The following TRPS1 variants were observed in gnomAD, a reference collection of about 807,000 sequenced individuals.
The protein encoded by TRPS1 is transcriptional repressor GATA binding 1.
Under a neutral mutation model 101.2 loss-of-function variants are expected in TRPS1, and 6 were observed. The observed-to-expected ratio is 0.06, with a 90% confidence interval of 0.03 to 0.12. The LOEUF is 0.12. Ranked by LOEUF, TRPS1 falls within the 10% of genes least tolerant of loss-of-function variation. The pLI is 1.00. For synonymous variants in TRPS1, 578 were observed against 589.8 expected, an observed-to-expected ratio of 0.98 and a Z score of 0.29; for missense variants, 1,363 against 1,567.0, an observed-to-expected ratio of 0.87 and a Z score of 2.20.
intron 5 of TRPS1, among the ~76,000 whole-genome samples, chr8:115,448,883 C>T (rs1305314849): frequency 3.3e-5 from 5 of 152,074 alleles, no homozygotes; most frequent in African/African-American, 7.2e-5. Flanking sequence ...TATAAAACTT[C>T]GTCGATCATC....
At chr8:115,491,495 T>C (rs1299059662) in intron 5 of TRPS1, among the ~76,000 whole-genome samples, 2 of 152,112 alleles carry the variant, frequency 1.3e-5, no homozygotes, top group Non-Finnish European at 2.9e-5. Context: ...GTAAACTTAG[T>C]GGAGTGTGCT....
At chr8:115,453,174 C>T (rs1813923721) in intron 5 of TRPS1, among the ~76,000 whole-genome samples, 1 of 152,056 alleles carries the variant, frequency 6.6e-6, no homozygotes, top group South Asian at 2.1e-4. Context: ...ATGCCCACCA[C>T]CACATCCAGC....
At chr8:115,547,068 C>T (rs1008095393) in intron 5 of TRPS1, among the ~76,000 whole-genome samples, 8 of 152,172 alleles carry the variant, frequency 5.3e-5, no homozygotes, top group Non-Finnish European at 7.4e-5. Flanking sequence ...ATCCAAATTA[C>T]GGGATGTTTA....
chr8:115,516,943 T>C (rs180928189), intron 5 of TRPS1, among the ~76,000 whole-genome samples: 1 of 151,264 alleles, frequency 6.6e-6, no homozygotes, highest in Admixed American at 6.6e-5. Flanking sequence ...AAGTAAAGGG[T>C]AGGGAGGAAA....
chr8:115,645,550 A>G (rs1294507283), intron 1 of TRPS1, among the ~76,000 whole-genome samples: 3 of 152,194 alleles, frequency 2.0e-5, no homozygotes, highest in Non-Finnish European at 4.4e-5. Context: ...CTGAAAAATA[A>G]GACAGTCATT....
chr8:115,461,411 C>T (rs1269061209), intron 5 of TRPS1, among the ~76,000 whole-genome samples: 2 of 152,118 alleles, frequency 1.3e-5, no homozygotes, highest in Middle Eastern at 3.4e-3. Context: ...CCATCAATTA[C>T]CTCTTTTGTT....
chr8:115,637,383 G>A (rs1563661378), intron 1 of TRPS1: 3 of 818,974 alleles, frequency 3.7e-6, no homozygotes, highest in East Asian at 1.2e-4. Flanking sequence ...ACATGTAGAC[G>A]GAAGAAGGGA....
intron 5 of TRPS1, among the ~76,000 whole-genome samples, chr8:115,495,886 CA>C (rs1218500174): frequency 6.6e-6 from 1 of 152,108 alleles, no homozygotes; most frequent in Admixed American, 6.6e-5. Flanking sequence ...TTCAATTGAG[CA>C]GGGTGATGCT....
rs192160218 is a variant in TRPS1 at position 115,417,463 on chromosome 8, G to A, written c.2823+867C>T. On this transcript the variant is annotated intron_variant, in intron 6 of 6. Transcript: ENST00000395715. ...TAAGAGCTATGGTAAAACGCCAAACGAAATGAAAAAGGCACAGGGAAATAA... is the reference window on the plus strand; with the variant it reads ...TAAGAGCTATGGTAAAACGCCAAACAAAATGAAAAAGGCACAGGGAAATAA... Among the ~76,000 whole-genome samples, 47 of 152,008 alleles carry A rather than the reference G, an allele frequency of 3.1e-4. 2 individuals carry two copies. Among genetic ancestry groups the A allele is most frequent in the Admixed American group, 2.8e-3 (43 of 15,272 alleles).
chr8:115,454,532 G>T (rs1435441430), intron 5 of TRPS1, among the ~76,000 whole-genome samples: 2 of 152,150 alleles, frequency 1.3e-5, no homozygotes, highest in Non-Finnish European at 2.9e-5. Flanking sequence ...CTGAGCCAAA[G>T]ATACTGATGC....
At chr8:115,520,450 A>C (rs1815830547) in intron 5 of TRPS1, among the ~76,000 whole-genome samples, 1 of 151,856 alleles carries the variant, frequency 6.6e-6, no homozygotes, top group Non-Finnish European at 1.5e-5. Flanking sequence ...ACTAGATGAC[A>C]AGTATAATCT....
intron 5 of TRPS1, among the ~76,000 whole-genome samples, chr8:115,574,994 A>G (rs895599979): frequency 1.1e-4 from 17 of 152,118 alleles, no homozygotes; most frequent in African/African-American, 4.1e-4. Context: ...AAGAAATAAT[A>G]CTGTTTTCCT....
At chr8:115,429,002 A>C (rs1410727990) in intron 5 of TRPS1, among the ~76,000 whole-genome samples, 2 of 152,220 alleles carry the variant, frequency 1.3e-5, no homozygotes, top group Non-Finnish European at 2.9e-5. Context: ...GGTACTGTGC[A>C]GGCAGGGAAA....
chr8:115,603,962 C>T lies in TRPS1; in HGVS notation c.2007G>A (p.Gly669=). 6.2e-7 allele frequency: 1 copy of T among 1,613,990 alleles called. No individual in the cohort carries two copies. Among genetic ancestry groups the T allele is most frequent in the Non-Finnish European group, 8.5e-7 (1 of 1,179,968 alleles). Residue 669 remains glycine (G), a synonymous_variant, in exon 4 of 7, where the codon GGG becomes GGA. Transcript: ENST00000395715. ...QEANHLQGSD[G]QQSVKESKEH... ...CTTTGCTTTCCTTGACAGACTGCTG[C>T]CCATCCGATCCTTGCAGGTGATTTG...
At chr8:115,642,638 G>A (rs1054368390) in intron 1 of TRPS1, among the ~76,000 whole-genome samples, 3 of 151,780 alleles carry the variant, frequency 2.0e-5, no homozygotes, top group African/African-American at 7.3e-5. Flanking sequence ...CTCAATTAGG[G>A]ACACCTTTTC....
intron 3 of TRPS1, among the ~76,000 whole-genome samples, chr8:115,611,284 T>C (rs1397999445): frequency 6.6e-6 from 1 of 152,150 alleles, no homozygotes; most frequent in Non-Finnish European, 1.5e-5. Context: ...AATGGAGATA[T>C]GTCAGAATTG....
intron 5 of TRPS1, among the ~76,000 whole-genome samples, chr8:115,584,499 A>G (rs1313827711): frequency 6.6e-6 from 1 of 151,930 alleles, no homozygotes; most frequent in Admixed American, 6.6e-5. Context: ...CATGTAAATT[A>G]TATCTGTATA....
chr8:115,461,087 C>A (rs965987960), intron 5 of TRPS1, among the ~76,000 whole-genome samples: 1 of 152,062 alleles, frequency 6.6e-6, no homozygotes, highest in African/African-American at 2.4e-5. Context: ...GGCAGAATCA[C>A]CTCTGCATGT....
chr8:115,468,782 C>A (rs1814390306), intron 5 of TRPS1, among the ~76,000 whole-genome samples: 1 of 152,126 alleles, frequency 6.6e-6, no homozygotes, highest in Non-Finnish European at 1.5e-5. Context: ...TTATAAGCTA[C>A]AGAACTCATA....
Sources: gnomAD v4.1 joint callset for allele counts (sites outside exome capture counted in the v4.1 genomes callset) on GRCh38, gnomAD v4.1.1 for gene constraint, MANE v1.5 for transcripts, NCBI Gene and HGNC (gene_info 2026-07-23, HGNC 2026-07-21) for gene names.